CNTNAP2: variants seen among roughly 807,000 people sequenced by gnomAD.
CNTNAP2 encodes contactin-associated protein-like 2.
A neutral mutation model predicts 155.2 loss-of-function variants in CNTNAP2; 98 were observed. That is an observed-to-expected ratio of 0.63 (90% CI 0.54 to 0.75). CNTNAP2 has a LOEUF of 0.75. Among genes scored for constraint, CNTNAP2 ranks in the 30% least tolerant of loss-of-function variants. The probability of loss-of-function intolerance (pLI) is 0.00; values close to 1 mark genes in which losing one functional copy is unlikely to be tolerated. For synonymous variants in CNTNAP2, 651 were observed against 631.2 expected (o/e 1.03, Z -0.47); for missense variants, 1,727 against 1,688.1 (o/e 1.02, Z -0.40).
In CNTNAP2 at chr7:147,539,064, T is replaced by A. The variant is rs139622098; in HGVS notation, c.1778-23074T>A. On this transcript the variant is annotated intron_variant, in intron 11 of 23. Coordinates refer to ENST00000361727, the MANE Select transcript of CNTNAP2 (RefSeq NM_014141.6). ...TATCTAGACAGTTCTGATTTTAGAA[T>A]GTTCATAAGTTAGGTCTGAATTAAT... Among the ~76,000 whole-genome samples the A allele has an allele frequency of 3.6e-3, 542 of 152,304 alleles. 7 individuals are homozygous for A. The highest frequency in any genetic ancestry group is 0.012 in the African/African-American group (507 of 41,570).
At chr7:147,585,795 ATG>A (rs1387566321) in intron 12 of CNTNAP2, among the ~76,000 whole-genome samples, 6 of 151,076 alleles carry the variant, frequency 4.0e-5, no homozygotes, top group African/African-American at 1.5e-4. Context: ...GTGTGTATAT[ATG>A]TGTGTGTGTA....
chr7:147,119,037 G>A (rs1286665730), intron 5 of CNTNAP2, among the ~76,000 whole-genome samples: 1 of 152,048 alleles, frequency 6.6e-6, no homozygotes, highest in Non-Finnish European at 1.5e-5. Flanking sequence ...AGGAAAAGAA[G>A]GAAGAGCAGG....
At chr7:147,376,238 T>C (rs1341103679) in intron 9 of CNTNAP2, among the ~76,000 whole-genome samples, 1 of 151,964 alleles carries the variant, frequency 6.6e-6, no homozygotes, top group Non-Finnish European at 1.5e-5. Flanking sequence ...CAGAGGGCAG[T>C]CCCAGTGTTC....
In CNTNAP2 at chr7:147,695,693, T is replaced by C. The variant is rs1056218883; in HGVS notation, c.2098+56387T>C. Among the ~76,000 whole-genome samples the C allele has an allele frequency of 2.6e-5, 4 of 152,130 alleles. No individual in the cohort carries two copies. In the South Asian group the frequency reaches 8.3e-4, roughly 32 times the overall value. ...GGTGCATGCCTGTAATCCCAGCTAC[T>C]CTGGAGACTGAGGCAGGAGAATCTC... On this transcript the variant is annotated intron_variant, in intron 13 of 23. Transcript: ENST00000361727.
intron 4 of CNTNAP2, among the ~76,000 whole-genome samples, chr7:147,087,955 C>T (rs1800316256): frequency 6.6e-6 from 1 of 151,892 alleles, no homozygotes; most frequent in Non-Finnish European, 1.5e-5. Context: ...CCAGCCTAGG[C>T]AACACAGCCA....
intron 15 of CNTNAP2, among the ~76,000 whole-genome samples, chr7:148,010,774 C>G (rs1034212515): frequency 6.6e-6 from 1 of 152,014 alleles, no homozygotes; most frequent in Non-Finnish European, 1.5e-5. Context: ...TATGCACAGT[C>G]TCCCCTACTG....
At chr7:146,382,389 A>G (rs994705012) in intron 1 of CNTNAP2, among the ~76,000 whole-genome samples, 3 of 152,196 alleles carry the variant, frequency 2.0e-5, no homozygotes, top group African/African-American at 4.8e-5. Flanking sequence ...TGGGGAAAGC[A>G]TTGATTTGCT....
intron 2 of CNTNAP2, among the ~76,000 whole-genome samples, chr7:146,819,023 A>C (rs1803226831): frequency 6.6e-6 from 1 of 152,116 alleles, no homozygotes; most frequent in Non-Finnish European, 1.5e-5. Flanking sequence ...TTATAATTTT[A>C]CCTACTTTTA....
At chr7:147,490,433 T>A (rs1798585926) in intron 11 of CNTNAP2, among the ~76,000 whole-genome samples, 1 of 152,194 alleles carries the variant, frequency 6.6e-6, no homozygotes, top group African/African-American at 2.4e-5. Context: ...TTGCACCTTA[T>A]TACAGCACAC....
chr7:147,184,006 C>A (rs1224396362), intron 8 of CNTNAP2, among the ~76,000 whole-genome samples: 2 of 152,104 alleles, frequency 1.3e-5, no homozygotes, highest in African/African-American at 4.8e-5. Context: ...AAAAACATCA[C>A]AGGGATGTCA....
intron 1 of CNTNAP2, among the ~76,000 whole-genome samples, chr7:146,641,181 G>T (rs1360769848): frequency 1.3e-5 from 2 of 152,036 alleles, no homozygotes; most frequent in African/African-American, 2.4e-5. Context: ...AAAAAAATTA[G>T]CCAGGCATGG....
chr7:147,562,114 T>C (rs373576169), intron 11 of CNTNAP2, 24 bp from the exon 12 acceptor site: 14 of 1,613,590 alleles, frequency 8.7e-6, no homozygotes, highest in Middle Eastern at 1.6e-4. Context: ...GCTGTGCTTA[T>C]GTAGGATATT....
At chr7:146,721,330 T>C (rs1307339694) in intron 1 of CNTNAP2, among the ~76,000 whole-genome samples, 2 of 131,518 alleles carry the variant, frequency 1.5e-5, no homozygotes, top group African/African-American at 5.7e-5. Flanking sequence ...TATATATACA[T>C]TCTATATACA....
intron 3 of CNTNAP2, among the ~76,000 whole-genome samples, chr7:146,878,965 C>A (rs1270868890): frequency 6.6e-6 from 1 of 152,126 alleles, no homozygotes; most frequent in Non-Finnish European, 1.5e-5. Context: ...TGTTTAATGC[C>A]TTTCTTCAAC....
intron 18 of CNTNAP2, among the ~76,000 whole-genome samples, chr7:148,185,254 T>G (rs1043283002): frequency 6.6e-6 from 1 of 152,232 alleles, no homozygotes; most frequent in African/African-American, 2.4e-5. Flanking sequence ...AACCCTTGAA[T>G]GCATGGCCCT....
intron 14 of CNTNAP2, among the ~76,000 whole-genome samples, chr7:147,912,466 G>A (rs1196466414): frequency 6.6e-6 from 1 of 152,088 alleles, no homozygotes; most frequent in African/African-American, 2.4e-5. Flanking sequence ...AGTCACTGAT[G>A]CCCTTATGGA....
chr7:148,169,582 A>G (rs1562982164), intron 17 of CNTNAP2, among the ~76,000 whole-genome samples: 1 of 152,242 alleles, frequency 6.6e-6, no homozygotes, highest in Non-Finnish European at 1.5e-5. Context: ...GTGGTGCAAG[A>G]GCGAAATAAG....
chr7:146,299,339 A>G (rs906178367), intron 1 of CNTNAP2, among the ~76,000 whole-genome samples: 3 of 152,112 alleles, frequency 2.0e-5, no homozygotes, highest in African/African-American at 4.8e-5. Context: ...TTGGTGCACA[A>G]TTATATGGTA....
chr7:148,334,821 G>C (rs915354327), intron 21 of CNTNAP2, among the ~76,000 whole-genome samples: 9 of 152,232 alleles, frequency 5.9e-5, no homozygotes, highest in African/African-American at 2.2e-4. Flanking sequence ...CATTGGGGGA[G>C]ACTTTGGGAG....
Sources: allele counts gnomAD v4.1 joint callset (sites outside exome capture counted in the v4.1 genomes callset), GRCh38; gene constraint gnomAD v4.1.1; transcripts MANE v1.5; gene names NCBI Gene and HGNC (gene_info 2026-07-23, HGNC 2026-07-21).